The following ANK2 variants were observed in gnomAD, a reference collection of about 807,000 sequenced individuals.
The protein encoded by ANK2 is ankyrin 2, also known as ankyrin-2.
ANK2 carries 83 observed loss-of-function variants against 360.5 expected under a neutral mutation model. The ratio of observed to expected loss-of-function variants is 0.23; its 90% CI spans 0.19 to 0.28. ANK2 has a LOEUF of 0.28. Ranked by LOEUF, ANK2 falls within the 10% of genes least tolerant of loss-of-function variation. ANK2 has a pLI of 1.00. For missense variants in ANK2, 4,201 were observed against 4,795.7 expected (o/e 0.88, Z 3.66); for synonymous variants, 1,740 against 1,759.5 (o/e 0.99, Z 0.28).
the ANK2 span, among the ~76,000 whole-genome samples, chr4:112,756,704 G>A: frequency 2.0e-5 from 3 of 152,178 alleles, no homozygotes; most frequent in Admixed American, 6.5e-5. Context: ...TAGATCTTGT[G>A]GCTCATGCGT....
chr4:112,971,011 G>T (rs968885664), intron 2 of ANK2, among the ~76,000 whole-genome samples: 1 of 151,880 alleles, frequency 6.6e-6, no homozygotes, highest in African/African-American at 2.4e-5. Flanking sequence ...ACAGGTAAAA[G>T]GGGAAAATAT....
chr4:113,242,210 G>T lies in ANK2; in HGVS notation c.891+1G>T, dbSNP rs1334679127. On this transcript the variant is annotated splice_donor_variant, in intron 9 of 45. Coordinates refer to ENST00000357077, the MANE Select transcript of ANK2 (RefSeq NM_001148.6). LOFTEE classifies it high-confidence loss of function. Reference sequence around the variant, plus strand: ...CGGTCAGATCGATGCCAAAACTAGGGTGAGTGTCTCTGTTCTTTCAATTTT... The same window carrying T: ...CGGTCAGATCGATGCCAAAACTAGGTTGAGTGTCTCTGTTCTTTCAATTTT... 1 of 1,611,510 alleles carries T rather than the reference G, an allele frequency of 6.2e-7. No homozygotes were observed. Among genetic ancestry groups the T allele is most frequent in the African/African-American group, 1.3e-5 (1 of 74,818 alleles).
intron 2 of ANK2, among the ~76,000 whole-genome samples, chr4:113,040,290 T>G (rs370641305): frequency 6.6e-6 from 1 of 152,206 alleles, no homozygotes; most frequent in East Asian, 1.9e-4. Flanking sequence ...TTATGTAAAA[T>G]AAGACATAGT....
intron 2 of ANK2, among the ~76,000 whole-genome samples, chr4:113,044,367 G>T (rs2063741977): frequency 6.6e-6 from 1 of 152,184 alleles, no homozygotes; most frequent in Admixed American, 6.5e-5. Context: ...GATTACTCAT[G>T]GGAGGGTTTA....
intron 39 of ANK2, 143 bp from the exon 40 acceptor site, chr4:113,363,195 A>C: frequency 1.3e-6 from 1 of 780,192 alleles, no homozygotes; most frequent in African/African-American, 1.7e-5. Flanking sequence ...GGCATATAAG[A>C]GTCACTTCTA....
intron 2 of ANK2, among the ~76,000 whole-genome samples, chr4:112,973,379 A>G (rs759911802): frequency 2.6e-5 from 4 of 152,202 alleles, no homozygotes; most frequent in Non-Finnish European, 4.4e-5. Context: ...ACTAAGATAT[A>G]AAAGCAAAGT....
chr4:112,941,911 A>C (rs2094250788), intron 2 of ANK2, among the ~76,000 whole-genome samples: 1 of 150,818 alleles, frequency 6.6e-6, no homozygotes. Context: ...ACATAATAGG[A>C]CCTACTTCAT....
chr4:112,957,452 C>A (rs1399059398), intron 2 of ANK2, among the ~76,000 whole-genome samples: 2 of 152,250 alleles, frequency 1.3e-5, no homozygotes, highest in African/African-American at 2.4e-5. Flanking sequence ...ATTTCTCAAT[C>A]TTTTCCCCGC....
At chr4:112,883,892 GTA>G (rs1301376184) in intron 1 of ANK2, among the ~76,000 whole-genome samples, 5 of 147,498 alleles carry the variant, frequency 3.4e-5, no homozygotes, top group African/African-American at 5.0e-5. Flanking sequence ...ATATATATGT[GTA>G]TATATATATA....
intron 1 of ANK2, among the ~76,000 whole-genome samples, chr4:113,127,874 GA>G (rs146318131): frequency 0.014 from 2,058 of 152,216 alleles, 54 homozygotes; most frequent in African/African-American, 0.046. Context: ...GGTCATACCA[GA>G]AGAGCAGCAG....
At position 113,249,648 on chromosome 4, in the gene ANK2, C is replaced by T. The variant is rs1352820260; in HGVS notation, c.892-116C>T. The T allele has an allele frequency of 4.3e-6, 4 of 933,362 alleles. No homozygotes were observed. The Admixed American group carries it at 6.0e-5, about 14-fold the overall frequency. 57.8% of individuals were successfully genotyped at this position (933,362 alleles called of 1,614,324 possible). ...TATTTAACAAATTGCAGTTCTATTA[C>T]TTATTTATTGAGTAATCAGGATTGA... On this transcript the variant is annotated intron_variant, in intron 9 of 45. Transcript: ENST00000357077.
At chr4:112,859,043 T>C (rs532598920) in intron 1 of ANK2, among the ~76,000 whole-genome samples, 17 of 152,336 alleles carry the variant, frequency 1.1e-4, no homozygotes, top group African/African-American at 3.8e-4. Flanking sequence ...CCTCAATCTT[T>C]ATCCTTTGGC....
At position 112,940,650 on chromosome 4, in the gene ANK2, A is replaced by G. The variant is rs572108496; in HGVS notation, c.21+36136A>G. Reference sequence around the variant, plus strand: ...TGTTGAATAACTGCTGTAGGATTTTATTTAGCATACAAACCTCTGAACCAT... The same window carrying G: ...TGTTGAATAACTGCTGTAGGATTTTGTTTAGCATACAAACCTCTGAACCAT... On this transcript the variant is annotated intron_variant, in intron 2 of 30. Transcript: ENST00000503271. Among the ~76,000 whole-genome samples the G allele has an allele frequency of 1.4e-4, 22 of 152,316 alleles. 1 individual carries two copies. The South Asian group carries it at 4.6e-3, about 32-fold the overall frequency.
chr4:113,246,543 C>CT (rs1247250622), intron 9 of ANK2, among the ~76,000 whole-genome samples: 1 of 152,008 alleles, frequency 6.6e-6, no homozygotes, highest in Non-Finnish European at 1.5e-5. Flanking sequence ...GGGCATTATT[C>CT]TTTTTTTGTT....
the ANK2 span, among the ~76,000 whole-genome samples, chr4:112,805,346 T>C: frequency 0.072 from 10,907 of 152,240 alleles, 629 homozygotes; most frequent in African/African-American, 0.16. Context: ...ACCAGAAGTA[T>C]TTGCGGCAGT....
intron 1 of ANK2, among the ~76,000 whole-genome samples, chr4:113,101,617 T>G: frequency 6.6e-6 from 1 of 152,068 alleles, no homozygotes; most frequent in African/African-American, 2.4e-5. Flanking sequence ...TCAGTTAATG[T>G]TTTTTGGCAC....
chr4:113,360,763 A>G (rs1379268523), intron 38 of ANK2, 60 bp from the exon 39 acceptor site: 3 of 1,435,586 alleles, frequency 2.1e-6, no homozygotes, highest in East Asian at 4.7e-5. Context: ...ATGAATCAGT[A>G]CTGTGGTTCC....
chr4:112,840,051 G>T (rs113728627), intron 1 of ANK2, among the ~76,000 whole-genome samples: 2 of 152,304 alleles, frequency 1.3e-5, no homozygotes, highest in East Asian at 3.9e-4. Flanking sequence ...GCTAGGTCTT[G>T]TGCTATGTGC....
chr4:113,313,000 A>G (rs2080907094), intron 24 of ANK2, among the ~76,000 whole-genome samples: 2 of 151,278 alleles, frequency 1.3e-5, no homozygotes, highest in South Asian at 4.1e-4. Flanking sequence ...TTTTTGAGAC[A>G]TGTGTAGGAG....
Sources: allele counts gnomAD v4.1 joint callset (sites outside exome capture counted in the v4.1 genomes callset), GRCh38; gene constraint gnomAD v4.1.1; transcripts MANE v1.5; gene names NCBI Gene and HGNC (gene_info 2026-07-23, HGNC 2026-07-21).